FOXJ3: variants seen among roughly 807,000 people sequenced by gnomAD.
FOXJ3 encodes forkhead box J3.
FOXJ3 carries 22 observed loss-of-function variants against 76.1 expected under a neutral mutation model. The ratio of observed to expected loss-of-function variants is 0.29; its 90% CI spans 0.21 to 0.41. The LOEUF is 0.41. Ranked by LOEUF, FOXJ3 falls within the 10% of genes least tolerant of loss-of-function variation. The pLI is 1.00. For synonymous variants in FOXJ3, 269 were observed against 261.2 expected (o/e 1.03, Z -0.29); for missense variants, 613 against 762.1 (o/e 0.80, Z 2.30).
intron 1 of FOXJ3, among the ~76,000 whole-genome samples, chr1:42,320,597 T>C (rs1655374845): frequency 6.6e-6 from 1 of 152,226 alleles, no homozygotes. Context: ...TCACATTATA[T>C]GTTTAAAGGT....
At chr1:42,310,943 A>G (rs1330973272) in intron 2 of FOXJ3, 107 bp downstream of exon 2, 5 of 666,364 alleles carry the variant, frequency 7.5e-6, no homozygotes, top group Admixed American at 3.2e-5. Flanking sequence ...ACAAGCTACA[A>G]TATTTTATTC....
chr1:42,246,233 T>C (rs1355584200), intron 4 of FOXJ3, among the ~76,000 whole-genome samples: 5 of 152,120 alleles, frequency 3.3e-5, no homozygotes, highest in African/African-American at 1.2e-4. Flanking sequence ...ATCTGTTGGG[T>C]AGCAGAAAAT....
At position 42,217,280 on chromosome 1, in the gene FOXJ3, C is replaced by G. The variant is rs536032164; in HGVS notation, c.528+10603G>C. Among the ~76,000 whole-genome samples, 5 of 152,242 alleles carry G rather than the reference C, an allele frequency of 3.3e-5. No homozygotes were observed. In the South Asian group the frequency reaches 1.0e-3, roughly 32 times the overall value. On this transcript the variant is annotated intron_variant, in intron 5 of 12. Coordinates refer to ENST00000361346, the MANE Select transcript of FOXJ3 (RefSeq NM_014947.5). ...GTGCAGTGGCTCACTCCTGTAATCC[C>G]AGCACTTTGGGAGGCCGAGGGTGGC...
intron 1 of FOXJ3, among the ~76,000 whole-genome samples, chr1:42,313,122 G>A (rs530622989): frequency 6.6e-6 from 1 of 152,230 alleles, no homozygotes; most frequent in Non-Finnish European, 1.5e-5. Flanking sequence ...ATCACCTGAG[G>A]TCAGAAGTTT....
At chr1:42,323,316 C>T (rs1013147057) in intron 1 of FOXJ3, among the ~76,000 whole-genome samples, 3 of 152,102 alleles carry the variant, frequency 2.0e-5, no homozygotes, top group Non-Finnish European at 2.9e-5. Flanking sequence ...AAATGATGAT[C>T]GGTATTTCTC....
chr1:42,190,649 T>C (rs1646522541), intron 9 of FOXJ3, among the ~76,000 whole-genome samples: 1 of 152,094 alleles, frequency 6.6e-6, no homozygotes, highest in South Asian at 2.1e-4. Context: ...TAAACACAAC[T>C]CAGGTAGTCA....
At chr1:42,312,948 G>A (rs1157579236) in intron 1 of FOXJ3, among the ~76,000 whole-genome samples, 2 of 152,200 alleles carry the variant, frequency 1.3e-5, no homozygotes, top group African/African-American at 4.8e-5. Flanking sequence ...ACTTAGTGCT[G>A]GGAGGGGATC....
At chr1:42,232,367 C>T (rs1409458108) in intron 4 of FOXJ3, among the ~76,000 whole-genome samples, 16 of 149,036 alleles carry the variant, frequency 1.1e-4, no homozygotes, top group African/African-American at 2.5e-4. Context: ...CCTGAGGAAT[C>T]GCCACACTGA....
At chr1:42,237,389 T>TATACATAC (rs1302195489) in intron 4 of FOXJ3, among the ~76,000 whole-genome samples, 29 of 117,220 alleles carry the variant, frequency 2.5e-4, no homozygotes, top group African/African-American at 8.3e-4. Context: ...AATATATATA[T>TATACATAC]ATACATACAT....
rs761822671 is a variant in FOXJ3, at chr1:42,283,435, C to T, written c.45-4763G>A. On this transcript the variant is annotated intron_variant, in intron 2 of 12. Coordinates refer to ENST00000361346, the MANE Select transcript of FOXJ3 (RefSeq NM_014947.5). ...GCTTTTTAGCTACTTTAGTACACTG[C>T]GTGGCCTACCTCTGCAACTTTCCTA... 3.8e-4 allele frequency among the ~76,000 whole-genome samples: 58 copies of T among 152,138 alleles called. 1 individual carries two copies. The highest frequency in any genetic ancestry group is 3.3e-3 in the Admixed American group (51 of 15,274).
chr1:42,292,086 G>A (rs1653474570), intron 2 of FOXJ3, among the ~76,000 whole-genome samples: 1 of 151,954 alleles, frequency 6.6e-6, no homozygotes, highest in South Asian at 2.1e-4. Context: ...GGGGTGCAAG[G>A]CCAGGGGACA....
At chr1:42,205,312 T>C in intron 6 of FOXJ3, among the ~76,000 whole-genome samples, 1 of 151,808 alleles carries the variant, frequency 6.6e-6, no homozygotes, top group East Asian at 1.9e-4. Context: ...TTCCTAGACT[T>C]GAATATCATG....
chr1:42,306,524 G>A (rs985802748), intron 2 of FOXJ3, among the ~76,000 whole-genome samples: 5 of 151,786 alleles, frequency 3.3e-5, no homozygotes, highest in East Asian at 1.9e-4. Flanking sequence ...GGCTGGTCTC[G>A]AACTCCTGAC....
intron 2 of FOXJ3, among the ~76,000 whole-genome samples, chr1:42,289,435 C>CAT (rs1653276505): frequency 6.6e-6 from 1 of 152,080 alleles, no homozygotes; most frequent in Admixed American, 6.5e-5. Context: ...ATGCTTGGCA[C>CAT]ATAGTAAGCA....
At chr1:42,213,206 A>T (rs1158912211) in intron 5 of FOXJ3, among the ~76,000 whole-genome samples, 1 of 152,156 alleles carries the variant, frequency 6.6e-6, no homozygotes, top group East Asian at 1.9e-4. Context: ...CAACAGCATG[A>T]CTGGAACAGT....
intron 4 of FOXJ3, among the ~76,000 whole-genome samples, chr1:42,231,956 A>G (rs1162140307): frequency 6.7e-6 from 1 of 148,578 alleles, no homozygotes; most frequent in African/African-American, 2.5e-5. Flanking sequence ...CCCTACCCCC[A>G]CCCCACAACA....
At chr1:42,225,865 A>C (rs1327629873) in intron 5 of FOXJ3, among the ~76,000 whole-genome samples, 1 of 152,236 alleles carries the variant, frequency 6.6e-6, no homozygotes, top group East Asian at 1.9e-4. Flanking sequence ...AAAAAGGAAG[A>C]CTCTCAAAAA....
chr1:42,215,431 C>G (rs1016737249), intron 5 of FOXJ3, among the ~76,000 whole-genome samples: 2 of 151,366 alleles, frequency 1.3e-5, no homozygotes, highest in African/African-American at 4.9e-5. Flanking sequence ...TCTGAAGAAT[C>G]AAAAGCTTAT....
At chr1:42,325,162 G>A (rs1288560268) in intron 1 of FOXJ3, among the ~76,000 whole-genome samples, 1 of 152,150 alleles carries the variant, frequency 6.6e-6, no homozygotes, top group African/African-American at 2.4e-5. Context: ...TGGAAGAATC[G>A]ATACAATGTT....
Sources: gnomAD v4.1 joint callset for allele counts (sites outside exome capture counted in the v4.1 genomes callset) on GRCh38, gnomAD v4.1.1 for gene constraint, MANE v1.5 for transcripts, NCBI Gene and HGNC (gene_info 2026-07-23, HGNC 2026-07-21) for gene names.